Variants in CUL9 observed in about 807,000 individuals in gnomAD.
The protein encoded by CUL9 is cullin-9.
Under a neutral mutation model 272.6 loss-of-function variants are expected in CUL9, and 79 were observed. The ratio of observed to expected loss-of-function variants is 0.29; its 90% confidence interval spans 0.24 to 0.35. The LOEUF is 0.35. Ranked by LOEUF, CUL9 falls within the 10% of genes least tolerant of loss-of-function variation. The pLI is 1.00. For missense variants in CUL9, 2,532 were observed against 3,255.6 expected (o/e 0.78, Z 5.41); for synonymous variants, 1,186 against 1,286.5 (o/e 0.92, Z 1.67).
rs757120758 is a variant in CUL9, at chr6:43,222,883, G to A, written c.7137G>A (p.Leu2379=). 1.9e-6 allele frequency: 3 copies of A among 1,613,492 alleles called. No individual in the cohort carries two copies. Residue 2379 remains leucine (L), a synonymous_variant, in exon 38 of 41, where the codon CTG becomes CTA. Transcript: ENST00000252050. ...ACCTGGAGCTGCACACCAATGCCCT[G>A]CAGATCCTCCTGGGTGAGCCACCCC... is the stretch of plus-strand genomic sequence containing the variant. ...TENLELHTNA[L]QILLEETLLR... is the part of the protein sequence containing the mutation.
chr6:43,202,924 C>G (rs1166578842), intron 17 of CUL9, 103 bp downstream of exon 17: 1 of 1,291,094 alleles, frequency 7.7e-7, no homozygotes, highest in Non-Finnish European at 1.1e-6. Flanking sequence ...CATCCCTTCC[C>G]CTTGGGAAGG....
In CUL9 at chr6:43,196,109, C is replaced by T; in HGVS notation, c.2429C>T (p.Pro810Leu). The change falls in exon 10 of 41, where the codon CCC becomes CTC. Residue 810 changes from proline (P) to leucine (L), a missense_variant. By Grantham distance (98) the Pro-to-Leu change is moderately conservative. This residue lies in a region of CUL9 where 2,218 missense variants were observed against 2,788.6 expected (regional missense o/e 0.80). Transcript: ENST00000252050. ...GCCGTCGCCAGCTCCTCGGAGATCC[C>T]CACTTTTGTTACTGGCCGAGATTCT... ...MLAVASSSEI[P>L]TFVTGRDSIH... is the part of the protein sequence containing the mutation. 6.2e-7 allele frequency: 1 copy of T among 1,613,940 alleles called. No individual in the cohort carries two copies. The highest frequency in any genetic ancestry group is 8.5e-7 in the Non-Finnish European group (1 of 1,179,938).
At chr6:43,189,530 ATTTATTTATT>A (rs1405436900) in intron 8 of CUL9, among the ~76,000 whole-genome samples, 43 of 150,972 alleles carry the variant, frequency 2.8e-4, no homozygotes, top group African/African-American at 9.3e-4. Context: ...TTCTCATTCT[ATTTATTTATT>A]TTTATTTATT....
At chr6:43,189,137 C>CTT (rs11453991) in intron 8 of CUL9, among the ~76,000 whole-genome samples, 33 of 145,482 alleles carry the variant, frequency 2.3e-4, no homozygotes, top group African/African-American at 5.0e-4. Context: ...TCCCTACGTA[C>CTT]TTTTTTTTTT....
At position 43,199,518 on chromosome 6, in the gene CUL9, C is replaced by T; in HGVS notation, c.3156+147C>T. 2 of 630,134 alleles carry T rather than the reference C, an allele frequency of 3.2e-6. No individual in the cohort carries two copies. The highest frequency in any genetic ancestry group is 1.8e-5 in the South Asian group (1 of 55,020). 39.0% of individuals were successfully genotyped at this position (630,134 alleles called of 1,614,324 possible). A position where few individuals can be genotyped will look rare whatever the true frequency, so the allele number is the denominator to read the frequency against. On this transcript the variant is annotated intron_variant, in intron 13 of 40. Coordinates refer to ENST00000252050, the MANE Select transcript of CUL9 (RefSeq NM_015089.4). This position sits in a 1 kb window ranked among gnomAD's most constrained non-coding sequence, Gnocchi z 4.4. ...GTAGGAGGAGGAAGGGTAATGTAAT[C>T]TAAGAATCTCCAGAACTGGAATCTT...
At position 43,199,812 on chromosome 6, in the gene CUL9, C is replaced by A; in HGVS notation, c.3157-117C>A. ...AATTTGGTACTCTTGTTTCCCTGGG[C>A]GTTGGCATGTCTCCACAATCTCAGC... On this transcript the variant is annotated intron_variant, in intron 13 of 40. Transcript: ENST00000252050. The surrounding 1 kb of genome is among the most constrained non-coding windows in gnomAD (Gnocchi z 4.4). The A allele has an allele frequency of 1.3e-6, 1 of 797,740 alleles. No homozygotes were observed. The highest frequency in any genetic ancestry group is 2.1e-6 in the Non-Finnish European group (1 of 478,386). 49.4% of individuals were successfully genotyped at this position (797,740 alleles called of 1,614,324 possible). A position where few individuals can be genotyped will look rare whatever the true frequency, so the allele number is the denominator to read the frequency against.
chr6:43,195,077 A>G (rs1228119948), intron 9 of CUL9, among the ~76,000 whole-genome samples: 1 of 152,206 alleles, frequency 6.6e-6, no homozygotes, highest in Non-Finnish European at 1.5e-5. Context: ...CCCTGAAATA[A>G]AATTACATCA....
chr6:43,214,203 T>A (rs1237104265), intron 29 of CUL9, among the ~76,000 whole-genome samples: 1 of 152,218 alleles, frequency 6.6e-6, no homozygotes, highest in Non-Finnish European at 1.5e-5. Context: ...GCGGATCACT[T>A]GAGGCCAGGA....
rs764134279 is a variant in CUL9, at chr6:43,213,592, G to A, written c.5488+25G>A. 1.2e-6 allele frequency: 2 copies of A among 1,610,644 alleles called. No individual in the cohort carries two copies. The highest frequency in any genetic ancestry group is 2.2e-5 in the South Asian group (2 of 90,902). On this transcript the variant is annotated intron_variant, in intron 28 of 40. Transcript: ENST00000252050. This position sits in a 1 kb window ranked among gnomAD's most constrained non-coding sequence, Gnocchi z 5.7. ...GGTAGGTCATTGGGGGCCGGGCTGA[G>A]CCTCTGCTGCTGGTCGGGGGGTCGC... is the stretch of plus-strand genomic sequence containing the variant.
rs1329246770 is a variant in CUL9 at position 43,220,333 on chromosome 6, T to G, written c.6283-126T>G. ...GCATTGGTTGATCTAGAGGCAGGCT[T>G]GTTTCTGGCCTTCCACGTTGTAGTG... is the stretch of plus-strand genomic sequence containing the variant. On this transcript the variant is annotated intron_variant, in intron 31 of 40. Transcript: ENST00000252050. The surrounding 1 kb of genome is among the most constrained non-coding windows in gnomAD (Gnocchi z 4.9). The G allele has an allele frequency of 9.0e-7, 1 of 1,112,934 alleles. No individual in the cohort carries two copies. The highest frequency in any genetic ancestry group is 1.3e-6 in the Non-Finnish European group (1 of 764,796). The allele number at this position is 1,112,934 out of a possible 1,614,324, so 68.9% of individuals were successfully genotyped here.
Position 43,188,102 on chromosome 6 carries a change from GA to G in CUL9, c.1973del (p.Lys658ArgfsTer69). 1 of 1,613,882 alleles carries G rather than the reference GA, an allele frequency of 6.2e-7. No individual in the cohort carries two copies. The highest frequency in any genetic ancestry group is 8.5e-7 in the Non-Finnish European group (1 of 1,180,038). ...AGGGGATGACCCTGCCCACTGAGAT[GA>G]AGGAGGCAGCCAGTGGTGAGTCAGG... Reference protein sequence around the residue: ...TEGMTLPTEMKEAASEMARAL... With the variant: ...TEGMTLPTEMXEAASEMARAL... On this transcript the variant is annotated frameshift_variant, in exon 7 of 41. Coordinates refer to ENST00000252050, the MANE Select transcript of CUL9 (RefSeq NM_015089.4). LOFTEE classifies it high-confidence loss of function.
chr6:43,182,602 AC>A (rs1378949148), intron 1 of CUL9, among the ~76,000 whole-genome samples: 1 of 151,164 alleles, frequency 6.6e-6, no homozygotes, highest in Non-Finnish European at 1.5e-5. Flanking sequence ...CGATTCTTTT[AC>A]TTCCCCCTGC....
chr6:43,196,811 A>G lies in CUL9; in HGVS notation c.2752A>G (p.Met918Val). 2 of 1,614,142 alleles carry G rather than the reference A, an allele frequency of 1.2e-6. No homozygotes were observed. Among genetic ancestry groups the G allele is most frequent in the Non-Finnish European group, 8.5e-7 (1 of 1,180,028 alleles). ...EPMPTTRTIL[M>V]MLLNRYSEPP... ...TATGCCTACCACACGCACCATCCTCATGATGCTTCTCAATCGCTACTCAGA... is the reference window on the plus strand; with the variant it reads ...TATGCCTACCACACGCACCATCCTCGTGATGCTTCTCAATCGCTACTCAGA... Residue 918 changes from methionine (M) to valine (V), a missense_variant, in exon 11 of 41, where the codon ATG (methionine) becomes GTG (valine). Transcript: ENST00000252050.
chr6:43,224,142 A>G lies in CUL9; in HGVS notation c.7332A>G (p.Ala2444=). 6.2e-7 allele frequency: 1 copy of G among 1,614,210 alleles called. No homozygotes were observed. The highest frequency in any genetic ancestry group is 8.5e-7 in the Non-Finnish European group (1 of 1,180,040). ...LQSPSVEAWE[A]KGPNMPGSQP... Reference sequence around the variant, plus strand: ...GTCCATCAGTAGAGGCCTGGGAGGCAAAAGGACCCAACATGCCTGGCAGTC... The same window carrying G: ...GTCCATCAGTAGAGGCCTGGGAGGCGAAAGGACCCAACATGCCTGGCAGTC... Residue 2444 remains alanine (A), a synonymous_variant, in exon 40 of 41, where the codon GCA becomes GCG. Transcript: ENST00000252050. This position sits in a 1 kb window ranked among gnomAD's most constrained non-coding sequence, Gnocchi z 4.2.
rs188677028 is a variant in CUL9, at chr6:43,215,408, C to T, written c.5936+82C>T. ...CAAGATCCCTTGTGGAGAAACACTTCCCTTCTTTCTTTGTCTGATCCCCTT... is the reference window on the plus strand; with the variant it reads ...CAAGATCCCTTGTGGAGAAACACTTTCCTTCTTTCTTTGTCTGATCCCCTT... On this transcript the variant is annotated intron_variant, in intron 30 of 40. Transcript: ENST00000252050. 5,702 of 1,493,686 alleles carry T rather than the reference C, an allele frequency of 3.8e-3. 67 individuals carry two copies. The highest frequency in any genetic ancestry group is 2.9e-3 in the Non-Finnish European group (3,214 of 1,124,798). The allele number at this position is 1,493,686 out of a possible 1,614,324, so 92.5% of individuals were successfully genotyped here. A position where few individuals can be genotyped will look rare whatever the true frequency, so the allele number is the denominator to read the frequency against.
At position 43,193,704 on chromosome 6, in the gene CUL9, C is replaced by G. The variant is rs555100312; in HGVS notation, c.2388+496C>G. 1.4e-3 allele frequency among the ~76,000 whole-genome samples: 219 copies of G among 152,074 alleles called. 1 individual carries two copies. The highest frequency in any genetic ancestry group is 4.3e-3 in the African/African-American group (177 of 41,480). ...CAGGCATGAGCCACCGTGCCCAGCC[C>G]AGGCCAGGGTTAAGAATGACTCCCG... On this transcript the variant is annotated intron_variant, in intron 9 of 40. Transcript: ENST00000252050.
chr6:43,196,937 G>A (rs780534433), intron 11 of CUL9, 75 bp downstream of exon 11: 6 of 1,247,394 alleles, frequency 4.8e-6, no homozygotes, highest in Non-Finnish European at 6.9e-6. Flanking sequence ...CTCCTTACTG[G>A]AAAGATACAA....
In CUL9 at chr6:43,184,377, G is replaced by A; in HGVS notation, c.67G>A (p.Glu23Lys). 6.2e-7 allele frequency: 1 copy of A among 1,608,942 alleles called. No homozygotes were observed. The highest frequency in any genetic ancestry group is 8.5e-7 in the Non-Finnish European group (1 of 1,176,666). The part of the protein sequence containing the change: ...PLGPRLQAYP[E>K]ELIRQRPGHD... ...AGGGCCTCGGCTGCAGGCATATCCT[G>A]AAGAACTCATTCGACAGAGGCCTGG... The change falls in exon 2 of 41, where the codon GAA (glutamate) becomes AAA (lysine). Residue 23 changes from glutamate (E) to lysine (K), a missense_variant. Transcript: ENST00000252050. The surrounding 1 kb of genome is among the most constrained non-coding windows in gnomAD (Gnocchi z 4.8).
rs1317571075 is a variant in CUL9 at position 43,186,995 on chromosome 6, G to A, written c.1287G>A (p.Val429=). ...AGTCGACAGGCCGCACTTACTGGGTGCACTGGCACATGCTGGAGATCCTGG... is the reference window on the plus strand; with the variant it reads ...AGTCGACAGGCCGCACTTACTGGGTACACTGGCACATGCTGGAGATCCTGG... The part of the protein sequence containing the change: ...FWQSTGRTYW[V]HWHMLEILGP... The change falls in exon 5 of 41, where the codon GTG becomes GTA. Residue 429 remains valine (V), a synonymous_variant. Transcript: ENST00000252050. The A allele has an allele frequency of 9.9e-6, 16 of 1,613,986 alleles. No homozygotes were observed. The Middle Eastern group carries it at 6.6e-4, about 66-fold the overall frequency.
Sources: allele counts gnomAD v4.1 joint callset (sites outside exome capture counted in the v4.1 genomes callset), GRCh38; gene constraint gnomAD v4.1.1; regional missense constraint gnomAD v4.1.1; non-coding constraint Gnocchi (gnomAD v3.1); transcripts MANE v1.5; gene names NCBI Gene and HGNC (gene_info 2026-07-23, HGNC 2026-07-21).